The following CNTN6 variants were observed in gnomAD, a reference collection of about 807,000 sequenced individuals.
The protein encoded by CNTN6 is contactin-6.
CNTN6 carries 137 observed loss-of-function variants against 122.8 expected under a neutral mutation model. That is an observed-to-expected ratio of 1.12 (90% confidence interval 0.97 to 1.29). The LOEUF (loss-of-function observed/expected upper bound fraction) is 1.29, where lower values mean the gene tolerates loss of function less well. CNTN6 is among the 50% of genes most tolerant of loss of function. CNTN6 has a pLI of 0.00. For missense variants in CNTN6, 1,634 were observed against 1,223.4 expected (o/e 1.34, Z -5.01); for synonymous variants, 570 against 426.0 (o/e 1.34, Z -4.16).
intron 4 of CNTN6, among the ~76,000 whole-genome samples, chr3:1,260,025 A>T (rs1274640283): frequency 6.6e-6 from 1 of 152,152 alleles, no homozygotes; most frequent in Admixed American, 6.6e-5. Flanking sequence ...CTTAAGGGTC[A>T]TGTAGGCCAT....
At chr3:1,214,348 G>A (rs1271307439) in intron 2 of CNTN6, among the ~76,000 whole-genome samples, 1 of 67,524 alleles carries the variant, frequency 1.5e-5, no homozygotes, top group Non-Finnish European at 2.6e-5. Flanking sequence ...TGCTCTTGTT[G>A]CCCAGGCTGG....
chr3:1,215,093 T>C lies in CNTN6; in HGVS notation c.56-5594T>C, dbSNP rs79697594. Among the ~76,000 whole-genome samples the C allele has an allele frequency of 2.3e-4, 35 of 152,352 alleles. No homozygotes were observed. In the East Asian group the frequency reaches 6.6e-3, roughly 29 times the overall value. ...TACTTAGCTTGCTATTTCTGTCCAG[T>C]CTTCTTAAAGAAGCTTCCTCTTGAT... On this transcript the variant is annotated intron_variant, in intron 2 of 22. Coordinates refer to ENST00000446702, the MANE Select transcript of CNTN6 (RefSeq NM_001289080.2).
At chr3:1,230,500 A>G (rs1264153937) in intron 4 of CNTN6, among the ~76,000 whole-genome samples, 1 of 152,184 alleles carries the variant, frequency 6.6e-6, no homozygotes, top group African/African-American at 2.4e-5. Context: ...TTTCTTATGG[A>G]AACTCTCCTA....
intron 12 of CNTN6, among the ~76,000 whole-genome samples, chr3:1,365,427 C>A (rs1241668488): frequency 6.6e-6 from 1 of 151,832 alleles, no homozygotes; most frequent in Admixed American, 6.6e-5. Context: ...TATGTGTATG[C>A]ATGTTAAATA....
intron 12 of CNTN6, among the ~76,000 whole-genome samples, chr3:1,366,869 C>T (rs1490571726): frequency 1.3e-5 from 2 of 152,094 alleles, no homozygotes; most frequent in African/African-American, 4.8e-5. Context: ...AACTATGCAT[C>T]CCCTTTTTCT....
intron 1 of CNTN6, among the ~76,000 whole-genome samples, chr3:1,133,131 A>T (rs965497559): frequency 6.6e-6 from 1 of 152,190 alleles, no homozygotes; most frequent in African/African-American, 2.4e-5. Flanking sequence ...TTGTTTATTC[A>T]TTAAAGATAA....
chr3:1,177,779 TG>T (rs1377412018), intron 2 of CNTN6, among the ~76,000 whole-genome samples: 5 of 152,018 alleles, frequency 3.3e-5, no homozygotes, highest in Admixed American at 1.3e-4. Flanking sequence ...TCGGTATATA[TG>T]TATAAATTTT....
intron 20 of CNTN6, among the ~76,000 whole-genome samples, chr3:1,387,905 G>C (rs964664135): frequency 6.6e-6 from 1 of 152,134 alleles, no homozygotes; most frequent in Non-Finnish European, 1.5e-5. Flanking sequence ...CGGCTCGGAG[G>C]GTCCTACGCC....
intron 17 of CNTN6, among the ~76,000 whole-genome samples, chr3:1,380,298 A>C (rs138180110): frequency 0.013 from 1,938 of 152,314 alleles, 46 homozygotes; most frequent in African/African-American, 0.044. Flanking sequence ...AACTGAACTA[A>C]ATATCTTTCC....
chr3:1,163,655 T>A (rs558815846), intron 2 of CNTN6, among the ~76,000 whole-genome samples: 1 of 152,306 alleles, frequency 6.6e-6, no homozygotes, highest in South Asian at 2.1e-4. Context: ...TGGCTTCAAG[T>A]GTCTTCCCAC....
chr3:1,109,367 G>C (rs1159993499), intron 1 of CNTN6, among the ~76,000 whole-genome samples: 2 of 152,120 alleles, frequency 1.3e-5, no homozygotes, highest in East Asian at 1.9e-4. Context: ...TTAGAATATA[G>C]TTTCTAATCT....
rs116612340 is a variant in CNTN6, at chr3:1,376,959, C to T, written c.2096-46C>T. ...AAAACAAAATTCTTCCTGATGAAGA[C>T]GTACTTTAATAATTGCCATCCCACA... On this transcript the variant is annotated intron_variant, in intron 16 of 22. Transcript: ENST00000446702. 2.8e-4 allele frequency: 362 copies of T among 1,280,216 alleles called. No homozygotes were observed. The African/African-American group carries it at 4.9e-3, about 17-fold the overall frequency. 79.3% of individuals were successfully genotyped at this position (1,280,216 alleles called of 1,614,324 possible).
At chr3:1,381,787 C>T (rs959057071) in intron 17 of CNTN6, among the ~76,000 whole-genome samples, 2 of 152,090 alleles carry the variant, frequency 1.3e-5, no homozygotes, top group African/African-American at 4.8e-5. Context: ...TTTGCCTGCT[C>T]TGTGTATATC....
chr3:1,116,049 G>A (rs140290407), intron 1 of CNTN6, among the ~76,000 whole-genome samples: 7 of 152,226 alleles, frequency 4.6e-5, no homozygotes, highest in Non-Finnish European at 7.4e-5. Context: ...AAATATGAGA[G>A]TAAAATAAAA....
At chr3:1,392,084 G>C (rs1694237075) in intron 20 of CNTN6, among the ~76,000 whole-genome samples, 2 of 152,164 alleles carry the variant, frequency 1.3e-5, no homozygotes, top group Non-Finnish European at 2.9e-5. Flanking sequence ...CCAAAAAAGA[G>C]CCCGCATCGC....
intron 1 of CNTN6, among the ~76,000 whole-genome samples, chr3:1,102,300 G>T (rs142040199): frequency 6.6e-6 from 1 of 152,178 alleles, no homozygotes; most frequent in Non-Finnish European, 1.5e-5. Context: ...TGCTGGAATA[G>T]AGCTTTTAGT....
chr3:1,299,112 G>T (rs1315325496), intron 7 of CNTN6, among the ~76,000 whole-genome samples: 1 of 152,064 alleles, frequency 6.6e-6, no homozygotes. Flanking sequence ...ATGGATTTAA[G>T]AGACCGTATT....
chr3:1,163,382 C>T (rs777387105), intron 2 of CNTN6, among the ~76,000 whole-genome samples: 1 of 152,126 alleles, frequency 6.6e-6, no homozygotes, highest in Non-Finnish European at 1.5e-5. Context: ...TGCCACTATT[C>T]TATGGCTAAG....
At chr3:1,116,286 A>G (rs567358267) in intron 1 of CNTN6, among the ~76,000 whole-genome samples, 40 of 152,260 alleles carry the variant, frequency 2.6e-4, no homozygotes, top group African/African-American at 8.7e-4. Context: ...CTTCAAAGAA[A>G]TAACTCTAGC....
Sources: gnomAD v4.1 joint callset for allele counts (sites outside exome capture counted in the v4.1 genomes callset) on GRCh38, gnomAD v4.1.1 for gene constraint, MANE v1.5 for transcripts, NCBI Gene and HGNC (gene_info 2026-07-23, HGNC 2026-07-21) for gene names.